Variants in PARN observed in about 807,000 individuals in gnomAD.
PARN encodes poly(A)-specific ribonuclease.
In PARN, 71 loss-of-function variants were observed where a neutral mutation model predicts 102.8. The observed-to-expected ratio is 0.69, with a 90% CI of 0.57 to 0.84. The LOEUF (loss-of-function observed/expected upper bound fraction) is 0.84, where lower values mean the gene tolerates loss of function less well. PARN is among the 40% of genes least tolerant of loss of function. PARN has a pLI of 0.00. For synonymous variants in PARN, 261 were observed against 252.9 expected, an observed-to-expected ratio of 1.03 and a Z score of -0.30; for missense variants, 782 against 760.9, an observed-to-expected ratio of 1.03 and a Z score of -0.33.
At chr16:14,562,875 A>C in intron 18 of PARN, among the ~76,000 whole-genome samples, 1 of 152,210 alleles carries the variant, frequency 6.6e-6, no homozygotes, top group East Asian at 1.9e-4. Context: ...GATTATGTTA[A>C]GTACAAGCAC....
chr16:14,566,294 G>C (rs1002078673), intron 18 of PARN, among the ~76,000 whole-genome samples: 2 of 152,210 alleles, frequency 1.3e-5, no homozygotes, highest in Non-Finnish European at 2.9e-5. Flanking sequence ...GTCCTCATAA[G>C]AGAGAGGCAG....
intron 15 of PARN, 110 bp downstream of exon 15, chr16:14,584,639 T>C: frequency 1.2e-6 from 1 of 823,346 alleles, no homozygotes; most frequent in Non-Finnish European, 2.0e-6. Flanking sequence ...TAAAGATCTT[T>C]ACAGATGCAT....
intron 22 of PARN, among the ~76,000 whole-genome samples, chr16:14,476,520 G>A (rs1313713134): frequency 6.6e-6 from 1 of 152,152 alleles, no homozygotes; most frequent in Non-Finnish European, 1.5e-5. Flanking sequence ...CTCAAAAGTA[G>A]CCACAGGCAA....
chr16:14,623,001 G>C (rs1972414799), intron 5 of PARN, among the ~76,000 whole-genome samples: 2 of 151,958 alleles, frequency 1.3e-5, no homozygotes, highest in South Asian at 4.1e-4. Context: ...CTACTGAGGA[G>C]GCTAAGGCAG....
intron 21 of PARN, among the ~76,000 whole-genome samples, chr16:14,534,549 C>A (rs1966527334): frequency 6.6e-6 from 1 of 152,056 alleles, no homozygotes; most frequent in African/African-American, 2.4e-5. Flanking sequence ...CATTTCCCCC[C>A]CTACATAATA....
intron 17 of PARN, 93 bp downstream of exon 17, chr16:14,582,088 C>T (rs1426462030): frequency 2.9e-5 from 24 of 827,622 alleles, no homozygotes; most frequent in Admixed American, 1.8e-5. Context: ...GCCCCACACT[C>T]GACAGTAATT....
rs140458371 is a variant in PARN at position 14,472,865 on chromosome 16, T to C, written c.1670+9773A>G. ...ACATAGGAATACACTTTCTTCTCAA[T>C]GTCCCATTTATGCAACTTTTTTTCT... On this transcript the variant is annotated intron_variant, in intron 22 of 23. Coordinates refer to ENST00000437198, the MANE Select transcript of PARN (RefSeq NM_002582.4). Among the ~76,000 whole-genome samples, 546 of 152,356 alleles carry C rather than the reference T, an allele frequency of 3.6e-3. 4 individuals carry two copies. Among genetic ancestry groups the C allele is most frequent in the Non-Finnish European group, 5.9e-3 (402 of 68,030 alleles).
At chr16:14,511,445 A>AT (rs1965184418) in intron 21 of PARN, among the ~76,000 whole-genome samples, 2 of 151,180 alleles carry the variant, frequency 1.3e-5, no homozygotes, top group Admixed American at 1.3e-4. Flanking sequence ...TTGATGGCTC[A>AT]TTAAAAAAAA....
chr16:14,592,029 T>G (rs1418440819), intron 13 of PARN: 1 of 148,982 alleles, frequency 6.7e-6, no homozygotes, highest in East Asian at 2.0e-4. Context: ...AGAGTGAGAC[T>G]CCATCTCAAA....
At chr16:14,554,561 G>C (rs1567379191) in intron 19 of PARN, among the ~76,000 whole-genome samples, 1 of 151,736 alleles carries the variant, frequency 6.6e-6, no homozygotes, top group Non-Finnish European at 1.5e-5. Flanking sequence ...CTCCTGAGCA[G>C]CTGAGGCTAC....
In PARN at chr16:14,436,439, TCACAAGAGCAA is replaced by T. The variant is rs1960698904; in HGVS notation, c.*267_*277del. ...ACACTGGGTCATGACAGGAAAGGCC[TCACAAGAGCAA>T]CACGGAATTCACTGGTTAAGCACGT... On this transcript the variant is annotated 3_prime_UTR_variant, in exon 24 of 24. Transcript: ENST00000437198. The T allele has an allele frequency of 2.0e-6, 1 of 495,714 alleles. No individual in the cohort carries two copies. Among genetic ancestry groups the T allele is most frequent in the Non-Finnish European group, 3.6e-6 (1 of 278,892 alleles). 30.7% of individuals were successfully genotyped at this position (495,714 alleles called of 1,614,324 possible).
chr16:14,560,946 A>C (rs979937097), intron 18 of PARN, among the ~76,000 whole-genome samples: 1 of 152,214 alleles, frequency 6.6e-6, no homozygotes. Context: ...ACCTGAGGTC[A>C]AGAGTTCCAG....
intron 23 of PARN, among the ~76,000 whole-genome samples, chr16:14,445,229 T>C (rs1961145300): frequency 6.6e-6 from 1 of 152,200 alleles, no homozygotes; most frequent in East Asian, 1.9e-4. Context: ...CAAACACAAG[T>C]TTAAGTTTTC....
At chr16:14,559,100 T>C (rs1476932671) in intron 18 of PARN, among the ~76,000 whole-genome samples, 1 of 152,052 alleles carries the variant, frequency 6.6e-6, no homozygotes, top group Non-Finnish European at 1.5e-5. Context: ...AATTCTGTTA[T>C]ATTGCTAAAG....
At chr16:14,509,014 T>C (rs1965051698) in intron 21 of PARN, among the ~76,000 whole-genome samples, 1 of 151,566 alleles carries the variant, frequency 6.6e-6, no homozygotes. Context: ...AAAGAAGCAA[T>C]TAAATTATAA....
Position 14,585,521 on chromosome 16 carries a change from C to T in PARN, c.963-730G>A, listed in dbSNP as rs552682353. On this transcript the variant is annotated intron_variant, in intron 14 of 23. Transcript: ENST00000437198. ...TGTTCGGTAGGCTCCACATGGCTGA[C>T]CTATGATGTCTCAGAGATATGTGAC... Among the ~76,000 whole-genome samples, 156 of 151,944 alleles carry T rather than the reference C, an allele frequency of 1.0e-3. 2 individuals are homozygous for T. The highest frequency in any genetic ancestry group is 1.4e-3 in the Non-Finnish European group (93 of 68,014).
At chr16:14,569,252 CGAAAT>C (rs1020501852) in intron 18 of PARN, among the ~76,000 whole-genome samples, 1 of 151,632 alleles carries the variant, frequency 6.6e-6, no homozygotes, top group Non-Finnish European at 1.5e-5. Context: ...TTTAAAAAAA[CGAAAT>C]GAAATGAGAA....
chr16:14,612,557 G>A (rs1971580455), intron 6 of PARN, among the ~76,000 whole-genome samples: 1 of 152,138 alleles, frequency 6.6e-6, no homozygotes, highest in South Asian at 2.1e-4. Flanking sequence ...GGGGTCCAAG[G>A]AGTGAAAATC....
intron 18 of PARN, among the ~76,000 whole-genome samples, chr16:14,579,561 C>A (rs1038179340): frequency 2.6e-5 from 4 of 151,826 alleles, no homozygotes; most frequent in African/African-American, 9.7e-5. Context: ...AAGAGCAAGA[C>A]CGTGACTCAA....
Sources: gnomAD v4.1 joint callset for allele counts (sites outside exome capture counted in the v4.1 genomes callset) on GRCh38, gnomAD v4.1.1 for gene constraint, MANE v1.5 for transcripts, NCBI Gene and HGNC (gene_info 2026-07-23, HGNC 2026-07-21) for gene names.